CYTH1: variants seen among roughly 807,000 people sequenced by gnomAD.
CYTH1 encodes cytohesin-1.
Under a neutral mutation model 61.8 loss-of-function variants are expected in CYTH1, and 18 were observed. That is an observed-to-expected ratio of 0.29 (90% CI 0.20 to 0.43). CYTH1 has a LOEUF of 0.43. Among genes scored for constraint, CYTH1 ranks in the 20% least tolerant of loss-of-function variants. The pLI is 1.00. For missense variants in CYTH1, 336 were observed against 510.5 expected, an observed-to-expected ratio of 0.66 and a Z score of 3.29; for synonymous variants, 174 against 184.3, an observed-to-expected ratio of 0.94 and a Z score of 0.45.
chr17:78,758,118 C>A (rs1216028039), intron 1 of CYTH1, among the ~76,000 whole-genome samples: 1 of 152,160 alleles, frequency 6.6e-6, no homozygotes, highest in Non-Finnish European at 1.5e-5. Flanking sequence ...AAGAAAATCA[C>A]TGGAAATGTG....
intron 3 of CYTH1, among the ~76,000 whole-genome samples, chr17:78,705,855 C>A (rs1393654496): frequency 6.6e-6 from 1 of 152,176 alleles, no homozygotes; most frequent in African/African-American, 2.4e-5. Context: ...ACTTTGGATG[C>A]ACTCACGTTC....
chr17:78,780,082 C>T (rs954386302), intron 1 of CYTH1, among the ~76,000 whole-genome samples: 3 of 152,208 alleles, frequency 2.0e-5, no homozygotes, highest in Admixed American at 2.0e-4. Flanking sequence ...ACACTGGGAT[C>T]TGAGGGAAAT....
chr17:78,718,422 G>A (rs1005210739), intron 1 of CYTH1, among the ~76,000 whole-genome samples: 1 of 152,162 alleles, frequency 6.6e-6, no homozygotes, highest in African/African-American at 2.4e-5. Context: ...TCAAAAGCGC[G>A]CATCTGGGAA....
chr17:78,769,492 G>A (rs2093462001), intron 1 of CYTH1, among the ~76,000 whole-genome samples: 1 of 151,986 alleles, frequency 6.6e-6, no homozygotes, highest in Non-Finnish European at 1.5e-5. Flanking sequence ...CTCTCCCCTG[G>A]CCAATCCAGT....
chr17:78,705,119 A>G (rs1337828906), intron 3 of CYTH1, among the ~76,000 whole-genome samples: 2 of 152,200 alleles, frequency 1.3e-5, no homozygotes, highest in Admixed American at 1.3e-4. Context: ...GTGGTGAGGC[A>G]GCGTCAGAGG....
chr17:78,704,209 T>C (rs1469918066), intron 3 of CYTH1, among the ~76,000 whole-genome samples: 1 of 152,166 alleles, frequency 6.6e-6, no homozygotes, highest in Admixed American at 6.5e-5. Flanking sequence ...GTGCTTCTGC[T>C]GTATGTTTAA....
At chr17:78,702,408 G>T (rs2093020586) in intron 4 of CYTH1, 130 bp downstream of exon 4, 3 of 1,077,186 alleles carry the variant, frequency 2.8e-6, no homozygotes, top group Admixed American at 2.1e-5. Flanking sequence ...AGGGCTTAGT[G>T]CATAACATTT....
At chr17:78,709,835 G>C (rs1396301004) in intron 1 of CYTH1, 103 bp from the exon 2 acceptor site, 4 of 1,003,916 alleles carry the variant, frequency 4.0e-6, no homozygotes, top group South Asian at 1.5e-5. Flanking sequence ...AAAGAAACTA[G>C]AAGTCAGTTT....
intron 10 of CYTH1, among the ~76,000 whole-genome samples, chr17:78,693,671 G>A (rs2144195813): frequency 1.3e-5 from 2 of 151,626 alleles, no homozygotes; most frequent in South Asian, 4.2e-4. Flanking sequence ...TTGGGGCCGT[G>A]AAGTTATGCT....
intron 1 of CYTH1, among the ~76,000 whole-genome samples, chr17:78,780,006 C>A (rs1186865740): frequency 1.3e-5 from 2 of 152,186 alleles, no homozygotes; most frequent in Non-Finnish European, 2.9e-5. Flanking sequence ...GCAACCAGAC[C>A]AATAGCTTCC....
chr17:78,741,982 A>T (rs1246777385), intron 1 of CYTH1, among the ~76,000 whole-genome samples: 1 of 152,236 alleles, frequency 6.6e-6, no homozygotes, highest in Non-Finnish European at 1.5e-5. Context: ...CTAAGGTTGG[A>T]ATGGAATTGA....
chr17:78,675,644 AT>A lies in CYTH1; in HGVS notation c.*446del, dbSNP rs777290863. The A allele has an allele frequency of 1.4e-4, 47 of 327,210 alleles. No individual in the cohort carries two copies. The highest frequency in any genetic ancestry group is 2.5e-4 in the South Asian group (2 of 8,076). The allele number at this position is 327,210 out of a possible 1,614,324, so 20.3% of individuals were successfully genotyped here. A position where few individuals can be genotyped will look rare whatever the true frequency, so the allele number is the denominator to read the frequency against. On this transcript the variant is annotated 3_prime_UTR_variant, in exon 14 of 14. Coordinates refer to ENST00000446868, the MANE Select transcript of CYTH1 (RefSeq NM_004762.6). ...TACGTTCTCTCTTAAAAAAAAAAAAATAGATCTTTATAGTATGTGGCTTCTC... is the reference window on the plus strand; with the variant it reads ...TACGTTCTCTCTTAAAAAAAAAAAAAAGATCTTTATAGTATGTGGCTTCTC...
chr17:78,734,499 G>A (rs1349445781), intron 1 of CYTH1, among the ~76,000 whole-genome samples: 1 of 133,726 alleles, frequency 7.5e-6, no homozygotes, highest in Non-Finnish European at 1.5e-5. Flanking sequence ...GGAGTGCAGT[G>A]GTACGATTTC....
chr17:78,780,255 T>C (rs139238010), intron 1 of CYTH1, among the ~76,000 whole-genome samples: 2 of 152,312 alleles, frequency 1.3e-5, no homozygotes, highest in Non-Finnish European at 2.9e-5. Flanking sequence ...CAGTGGCTCA[T>C]GCCTGTAATC....
chr17:78,748,447 A>C (rs2093367609), intron 1 of CYTH1, among the ~76,000 whole-genome samples: 1 of 152,234 alleles, frequency 6.6e-6, no homozygotes, highest in Non-Finnish European at 1.5e-5. Context: ...CTAGGTTATC[A>C]GGAAAGCTCA....
intron 11 of CYTH1, among the ~76,000 whole-genome samples, chr17:78,690,805 G>T (rs1176667487): frequency 6.6e-6 from 1 of 152,040 alleles, no homozygotes; most frequent in South Asian, 2.1e-4. Flanking sequence ...CACTACGGTG[G>T]GCATCACGAA....
intron 1 of CYTH1, among the ~76,000 whole-genome samples, chr17:78,742,813 C>T (rs968950359): frequency 1.4e-4 from 21 of 152,210 alleles, no homozygotes; most frequent in African/African-American, 5.1e-4. Context: ...TGAGATGGTG[C>T]CACTGCACTC....
At chr17:78,765,002 G>A (rs1438197274) in intron 1 of CYTH1, among the ~76,000 whole-genome samples, 2 of 152,112 alleles carry the variant, frequency 1.3e-5, no homozygotes, top group African/African-American at 2.4e-5. Flanking sequence ...CAAGCAAACA[G>A]GGGAAGTCTT....
intron 1 of CYTH1, among the ~76,000 whole-genome samples, chr17:78,743,662 TTTCA>T (rs1400869639): frequency 6.6e-6 from 1 of 152,222 alleles, no homozygotes; most frequent in Non-Finnish European, 1.5e-5. Context: ...CCTATTCTTG[TTTCA>T]TTCATTTAAT....
Sources: allele counts gnomAD v4.1 joint callset (sites outside exome capture counted in the v4.1 genomes callset), GRCh38; gene constraint gnomAD v4.1.1; transcripts MANE v1.5; gene names NCBI Gene and HGNC (gene_info 2026-07-23, HGNC 2026-07-21).